Variants in GPHN observed in about 807,000 individuals in gnomAD.
GPHN encodes gephyrin.
In GPHN, 17 loss-of-function variants were observed where a neutral mutation model predicts 95.5. The observed-to-expected ratio is 0.18, with a 90% CI of 0.12 to 0.27. The LOEUF (loss-of-function observed/expected upper bound fraction) is 0.27, where lower values mean the gene tolerates loss of function less well. GPHN is among the 10% of genes least tolerant of loss of function. The pLI, the probability that GPHN is intolerant of heterozygous loss-of-function variation, is 1.00. For synonymous variants in GPHN, 320 were observed against 322.5 expected (o/e 0.99, Z 0.08); for missense variants, 660 against 978.1 (o/e 0.67, Z 4.34).
chr14:67,662,627 AG>A, the GPHN span: 1 of 1,164,118 alleles, frequency 8.6e-7, no homozygotes, highest in Non-Finnish European at 1.2e-6. Context: ...TTCCTATGGC[AG>A]GGCCTGGTGG....
At chr14:67,297,127 A>G in the GPHN span, among the ~76,000 whole-genome samples, 1 of 152,254 alleles carries the variant, frequency 6.6e-6, no homozygotes, top group Non-Finnish European at 1.5e-5. Flanking sequence ...TAATAATACC[A>G]GAAACCAATA....
intron 2 of GPHN, among the ~76,000 whole-genome samples, chr14:66,699,965 A>G (rs2068406967): frequency 6.6e-6 from 1 of 152,190 alleles, no homozygotes; most frequent in Non-Finnish European, 1.5e-5. Context: ...ATGACTGGAT[A>G]ACTACTATTT....
the GPHN span, chr14:67,581,101 G>A: frequency 4.9e-6 from 5 of 1,014,254 alleles, no homozygotes; most frequent in East Asian, 2.4e-5. Flanking sequence ...CCAGCTCATC[G>A]CCTCCTCGAC....
chr14:67,258,587 A>G, the GPHN span, among the ~76,000 whole-genome samples: 1 of 152,178 alleles, frequency 6.6e-6, no homozygotes, highest in South Asian at 2.1e-4. Context: ...ACAACTGCCT[A>G]TATTTTGTAC....
At chr14:66,750,992 T>C (rs1007522805) in intron 2 of GPHN, among the ~76,000 whole-genome samples, 2 of 152,112 alleles carry the variant, frequency 1.3e-5, no homozygotes, top group East Asian at 1.9e-4. Context: ...ATGTCAAGTC[T>C]GTATTTATAG....
chr14:66,561,521 G>T (rs950503154), intron 1 of GPHN, among the ~76,000 whole-genome samples: 3 of 152,084 alleles, frequency 2.0e-5, no homozygotes, highest in Non-Finnish European at 4.4e-5. Flanking sequence ...TTGCCTCACA[G>T]ATTTCATTTT....
chr14:67,292,866 A>G, the GPHN span: 1 of 587,622 alleles, frequency 1.7e-6, no homozygotes, highest in South Asian at 4.4e-5. Flanking sequence ...GTGACAGTTT[A>G]CTACATGCAT....
the GPHN span, among the ~76,000 whole-genome samples, chr14:67,528,079 A>G: frequency 9.2e-5 from 14 of 152,166 alleles, no homozygotes; most frequent in African/African-American, 3.4e-4. Context: ...CAGCTCTGAG[A>G]TGGGCTGGTG....
chr14:67,381,742 A>G, the GPHN span: 1 of 1,264,556 alleles, frequency 7.9e-7, no homozygotes, highest in Non-Finnish European at 1.1e-6. Flanking sequence ...TAAACCAAAT[A>G]GGATCTTTGA....
At chr14:67,280,857 C>CCTTCCCTCCG in the GPHN span, among the ~76,000 whole-genome samples, 2 of 53,250 alleles carry the variant, frequency 3.8e-5, no homozygotes, top group African/African-American at 1.4e-4. Flanking sequence ...CCTTCCTTCC[C>CCTTCCCTCCG]TCCCTCCCTC....
At chr14:67,228,721 C>G in the GPHN span, among the ~76,000 whole-genome samples, 1 of 152,084 alleles carries the variant, frequency 6.6e-6, no homozygotes, top group Admixed American at 6.6e-5. Context: ...ATTTGTTATT[C>G]TCTTGGTTTC....
intron 9 of GPHN, among the ~76,000 whole-genome samples, chr14:66,979,645 G>C (rs1043510140): frequency 9.9e-5 from 15 of 152,116 alleles, no homozygotes; most frequent in African/African-American, 3.6e-4. Context: ...TAGCAATAAG[G>C]CTGTTTCACT....
At chr14:66,942,293 T>G (rs2067472441) in intron 8 of GPHN, among the ~76,000 whole-genome samples, 2 of 152,246 alleles carry the variant, frequency 1.3e-5, no homozygotes, top group Non-Finnish European at 1.5e-5. Flanking sequence ...ATTACAGGCG[T>G]GAGCCACCAC....
the GPHN span, among the ~76,000 whole-genome samples, chr14:67,659,493 GTATTA>G: frequency 6.6e-6 from 1 of 151,256 alleles, no homozygotes; most frequent in African/African-American, 2.4e-5. Context: ...TTATAAGACT[GTATTA>G]TATTAAGGAT....
intron 9 of GPHN, among the ~76,000 whole-genome samples, chr14:66,972,015 C>T (rs933455766): frequency 6.6e-6 from 1 of 152,030 alleles, no homozygotes; most frequent in South Asian, 2.1e-4. Flanking sequence ...CATCTGTAAT[C>T]GTAGCACTTT....
chr14:67,412,584 AG>A, the GPHN span, among the ~76,000 whole-genome samples: 1 of 152,124 alleles, frequency 6.6e-6, no homozygotes, highest in Non-Finnish European at 1.5e-5. Flanking sequence ...AGTAACAGGA[AG>A]GTCACAGTTT....
intron 4 of GPHN, among the ~76,000 whole-genome samples, chr14:66,859,257 T>C (rs189877514): frequency 2.6e-5 from 4 of 152,308 alleles, no homozygotes; most frequent in African/African-American, 7.2e-5. Flanking sequence ...CTACTGGTGA[T>C]GGCCACTGGT....
At chr14:66,605,716 T>C (rs1325819211) in intron 1 of GPHN, among the ~76,000 whole-genome samples, 1 of 151,910 alleles carries the variant, frequency 6.6e-6, no homozygotes, top group Non-Finnish European at 1.5e-5. Context: ...TTTTGTTTAG[T>C]AGAGACGGGG....
chr14:66,891,682 A>T (rs972470524), intron 5 of GPHN, among the ~76,000 whole-genome samples: 2 of 152,148 alleles, frequency 1.3e-5, no homozygotes, highest in African/African-American at 2.4e-5. Flanking sequence ...ACATTGAACA[A>T]AGTAAAAGGG....
Sources: allele counts gnomAD v4.1 joint callset (sites outside exome capture counted in the v4.1 genomes callset), GRCh38; gene constraint gnomAD v4.1.1; transcripts MANE v1.5; gene names NCBI Gene and HGNC (gene_info 2026-07-23, HGNC 2026-07-21).